The following PALM2AKAP2 variants were observed in gnomAD, a reference collection of about 807,000 sequenced individuals.
PALM2AKAP2 encodes the protein PALM2-AKAP2 fusion protein.
PALM2AKAP2 carries 37 observed loss-of-function variants against 71.5 expected under a neutral mutation model. The ratio of observed to expected loss-of-function variants is 0.52; its 90% CI spans 0.40 to 0.68. The LOEUF (loss-of-function observed/expected upper bound fraction) is 0.68. PALM2AKAP2 is among the 30% of genes least tolerant of loss of function. The probability of loss-of-function intolerance (pLI) is 0.00; values close to 1 mark genes in which losing one functional copy is unlikely to be tolerated. For synonymous variants in PALM2AKAP2, 468 were observed against 478.8 expected (o/e 0.98, Z 0.29); for missense variants, 1,224 against 1,191.8 (o/e 1.03, Z -0.40).
chr9:109,977,671 A>G (rs77186791), intron 6 of PALM2AKAP2, among the ~76,000 whole-genome samples: 4,956 of 152,302 alleles, frequency 0.033, 145 homozygotes, highest in East Asian at 0.13. Flanking sequence ...ATTTACTGAC[A>G]TACATATCCT....
At chr9:110,146,547 G>C (rs1030902041) in intron 2 of PALM2AKAP2, among the ~76,000 whole-genome samples, 1 of 152,182 alleles carries the variant, frequency 6.6e-6, no homozygotes, top group Non-Finnish European at 1.5e-5. Context: ...TGACAGAGAG[G>C]AGGTGAATCA....
At chr9:110,115,747 C>T (rs111382306) in intron 1 of PALM2AKAP2, among the ~76,000 whole-genome samples, 11,120 of 68,770 alleles carry the variant, frequency 0.16, 576 homozygotes, top group South Asian at 0.2. Flanking sequence ...CTGATATCCA[C>T]GATCGTGGGG....
chr9:110,047,745 T>C (rs1366891697), upstream of PALM2AKAP2, among the ~76,000 whole-genome samples: 2 of 152,222 alleles, frequency 1.3e-5, no homozygotes, highest in Admixed American at 1.3e-4. Flanking sequence ...AGACCACAGC[T>C]TGCTTTTGAA....
At chr9:109,814,585 C>G (rs1827806058) in intron 1 of PALM2AKAP2, among the ~76,000 whole-genome samples, 1 of 152,154 alleles carries the variant, frequency 6.6e-6, no homozygotes. Flanking sequence ...GCTAGGGATT[C>G]AAGGACAGTG....
chr9:109,751,460 G>A (rs1478002270), intron 1 of PALM2AKAP2, among the ~76,000 whole-genome samples: 1 of 152,052 alleles, frequency 6.6e-6, no homozygotes, highest in Non-Finnish European at 1.5e-5. Flanking sequence ...TTTGCCATCC[G>A]CGCTGACCAG....
chr9:109,692,084 A>G (rs1038602440), intron 1 of PALM2AKAP2, among the ~76,000 whole-genome samples: 1 of 150,422 alleles, frequency 6.6e-6, no homozygotes, highest in African/African-American at 2.4e-5. Context: ...AATTTTTAAA[A>G]AATTTTTAAA....
At chr9:109,878,651 G>T (rs1020465823) in intron 2 of PALM2AKAP2, among the ~76,000 whole-genome samples, 5 of 150,138 alleles carry the variant, frequency 3.3e-5, no homozygotes, top group Non-Finnish European at 7.5e-5. Flanking sequence ...ATGGAGCAGG[G>T]TGTCTACAGC....
intron 6 of PALM2AKAP2, among the ~76,000 whole-genome samples, chr9:109,971,337 CTCTTTGTGT>C (rs1309238010): frequency 1.0e-4 from 8 of 76,900 alleles, no homozygotes; most frequent in African/African-American, 1.6e-4. Context: ...GGTCTGTTTG[CTCTTTGTGT>C]TCTTTGTGTT....
chr9:109,873,282 G>A (rs536346453), intron 2 of PALM2AKAP2, among the ~76,000 whole-genome samples: 1 of 152,118 alleles, frequency 6.6e-6, no homozygotes, highest in East Asian at 1.9e-4. Flanking sequence ...AGCCAACATG[G>A]CAAAACCCTG....
chr9:109,789,004 T>A (rs550373384), intron 1 of PALM2AKAP2, among the ~76,000 whole-genome samples: 2 of 152,238 alleles, frequency 1.3e-5, no homozygotes, highest in Admixed American at 6.5e-5. Context: ...GAACTTGCTT[T>A]AATCTATTTA....
At chr9:109,753,534 A>C (rs1828915583) in intron 1 of PALM2AKAP2, among the ~76,000 whole-genome samples, 1 of 152,170 alleles carries the variant, frequency 6.6e-6, no homozygotes, top group Non-Finnish European at 1.5e-5. Flanking sequence ...TGACTTTCTC[A>C]AGATGTTTGC....
chr9:109,904,301 T>C (rs1359730571), intron 3 of PALM2AKAP2, among the ~76,000 whole-genome samples: 1 of 152,200 alleles, frequency 6.6e-6, no homozygotes, highest in Non-Finnish European at 1.5e-5. Flanking sequence ...TCCTGTCAAT[T>C]TTCTTACCTA....
At chr9:109,779,019 C>T (rs1375926218), upstream of PALM2AKAP2, among the ~76,000 whole-genome samples, 1 of 152,222 alleles carries the variant, frequency 6.6e-6, no homozygotes, top group African/African-American at 2.4e-5. Context: ...ATCCACCCGC[C>T]TTGGCCTCCC....
intron 1 of PALM2AKAP2, among the ~76,000 whole-genome samples, chr9:109,685,527 A>G (rs751573854): frequency 1.3e-5 from 2 of 152,120 alleles, no homozygotes; most frequent in Non-Finnish European, 2.9e-5. Flanking sequence ...CTATACTGTA[A>G]CTACACTATA....
intron 1 of PALM2AKAP2, among the ~76,000 whole-genome samples, chr9:109,700,742 T>C (rs1828042351): frequency 6.6e-6 from 1 of 152,236 alleles, no homozygotes; most frequent in Non-Finnish European, 1.5e-5. Context: ...TTTGCTGGGC[T>C]GTGTCTGTCT....
intron 1 of PALM2AKAP2, among the ~76,000 whole-genome samples, chr9:110,107,060 A>G (rs572919711): frequency 1.3e-5 from 2 of 152,318 alleles, no homozygotes; most frequent in Admixed American, 1.3e-4. Flanking sequence ...ACTGATTGAC[A>G]TTATCTATTG....
At chr9:110,048,960 C>G (rs918986225) in intron 1 of PALM2AKAP2, 7 of 1,352,364 alleles carry the variant, frequency 5.2e-6, no homozygotes, top group African/African-American at 3.1e-5. Context: ...TCTGGGAGTC[C>G]TCGGAAGCAC....
At chr9:109,900,600 G>T (rs573203364) in intron 3 of PALM2AKAP2, among the ~76,000 whole-genome samples, 2 of 152,268 alleles carry the variant, frequency 1.3e-5, no homozygotes, top group East Asian at 1.9e-4. Context: ...TCAATCAAGT[G>T]CTTCTTCTGG....
exon 3 of PALM2AKAP2, chr9:109,880,579 T>C: frequency 6.2e-7 from 1 of 1,613,330 alleles, no homozygotes; most frequent in Non-Finnish European, 8.5e-7. Context: ...AAATGGCTGC[T>C]GCAGGGCATA....
Sources: gnomAD v4.1 joint callset for allele counts (sites outside exome capture counted in the v4.1 genomes callset) on GRCh38, gnomAD v4.1.1 for gene constraint, MANE v1.5 for transcripts, NCBI Gene and HGNC (gene_info 2026-07-23, HGNC 2026-07-21) for gene names.